CBR1: variants seen among roughly 807,000 people sequenced by gnomAD.
The protein encoded by CBR1 is carbonyl reductase 1, also known as carbonyl reductase [NADPH] 1.
A neutral mutation model predicts 10.6 loss-of-function variants in CBR1; 11 were observed. The observed-to-expected ratio is 1.03, with a 90% CI of 0.65 to 1.71. The LOEUF is 1.71. CBR1 is among the 40% of genes most tolerant of loss of function. The pLI, the probability that CBR1 is intolerant of heterozygous loss-of-function variation, is 0.00. For missense variants in CBR1, 361 were observed against 368.6 expected (o/e 0.98, Z 0.17); for synonymous variants, 158 against 156.7 (o/e 1.01, Z -0.06).
chr21:36,070,853 GTTTTTTTTTT>G, intron 1 of CBR1, 87 bp from the exon 2 acceptor site: 1 of 509,238 alleles, frequency 2.0e-6, no homozygotes, highest in Non-Finnish European at 3.2e-6. Flanking sequence ...AGGGCACTAA[GTTTTTTTTTT>G]TTTTTTTTTT....
In CBR1 at chr21:36,070,049, C is replaced by G; in HGVS notation, c.-67C>G. 1 of 1,431,816 alleles carries G rather than the reference C, an allele frequency of 7.0e-7. No homozygotes were observed. The highest frequency in any genetic ancestry group is 9.2e-7 in the Non-Finnish European group (1 of 1,089,728). 88.7% of individuals were successfully genotyped at this position (1,431,816 alleles called of 1,614,324 possible). On this transcript the variant is annotated 5_prime_UTR_variant, in exon 1 of 3. Coordinates refer to ENST00000290349, the MANE Select transcript of CBR1 (RefSeq NM_001757.4). ...AGACTCGAGCAGTCTCTGGAACACG[C>G]TGCGGGGCTCCCGGGCCTGAGCCAG...
Position 36,070,178 on chromosome 21 carries a change from C to T in CBR1, c.63C>T (p.Ile21=), listed in dbSNP as rs1346316541. The T allele has an allele frequency of 1.7e-5, 27 of 1,595,238 alleles. No individual in the cohort carries two copies. Among genetic ancestry groups the T allele is most frequent in the Non-Finnish European group, 2.3e-5 (27 of 1,171,674 alleles). ...GCAACAAGGGCATCGGCTTGGCCAT[C>T]GTGCGCGACCTGTGCCGGCTGTTCT... ...TGGNKGIGLA[I]VRDLCRLFSG... is the part of the protein sequence containing the mutation. The change falls in exon 1 of 3, where the codon ATC becomes ATT. Residue 21 remains isoleucine (I), a synonymous_variant. Transcript: ENST00000290349.
Position 36,070,215 on chromosome 21 carries a change from G to T in CBR1, c.100G>T (p.Val34Leu). The change falls in exon 1 of 3, where the codon GTG (valine) becomes TTG (leucine). Residue 34 changes from valine (V) to leucine (L), a missense_variant. Coordinates refer to ENST00000290349, the MANE Select transcript of CBR1 (RefSeq NM_001757.4). ...DLCRLFSGDV[V>L]LTARDVTRGQ... Reference sequence around the variant, plus strand: ...GTGCCGGCTGTTCTCGGGGGACGTGGTGCTCACGGCGCGGGACGTGACGCG... The same window carrying T: ...GTGCCGGCTGTTCTCGGGGGACGTGTTGCTCACGGCGCGGGACGTGACGCG... The T allele has an allele frequency of 6.2e-7, 1 of 1,609,032 alleles. No individual in the cohort carries two copies.
chr21:36,071,262 C>G, intron 2 of CBR1: 2 of 693,272 alleles, frequency 2.9e-6, no homozygotes, highest in South Asian at 1.5e-5. Context: ...TTCGTCCTCC[C>G]TGTCGCACTG....
At chr21:36,071,086 C>T in intron 2 of CBR1, 29 bp downstream of exon 2, 2 of 1,443,990 alleles carry the variant, frequency 1.4e-6, no homozygotes, top group South Asian at 2.3e-5. Flanking sequence ...AGCGCACCTT[C>T]TCTTTGGGGC....
chr21:36,071,121 G>T (rs761599903), intron 2 of CBR1, 64 bp downstream of exon 2: 9 of 1,070,920 alleles, frequency 8.4e-6, no homozygotes, highest in Non-Finnish European at 1.2e-5. Context: ...GCTTGCCTGG[G>T]ATTTCTCCTG....
rs577105555 is a variant in CBR1 at position 36,070,868 on chromosome 21, T to G, written c.290-82T>G. On this transcript the variant is annotated intron_variant, in intron 1 of 2. Coordinates refer to ENST00000290349, the MANE Select transcript of CBR1 (RefSeq NM_001757.4). Reference sequence around the variant, plus strand: ...AGGGCACTAAGTTTTTTTTTTTTTTTTTTTTTTTTTTTAGTATCATTGTAT... The same window carrying G: ...AGGGCACTAAGTTTTTTTTTTTTTTGTTTTTTTTTTTTAGTATCATTGTAT... 7.3e-5 allele frequency: 61 copies of G among 840,666 alleles called. 1 individual carries two copies. The highest frequency in any genetic ancestry group is 2.6e-4 in the East Asian group (9 of 35,086). The allele number at this position is 840,666 out of a possible 1,614,324, so 52.1% of individuals were successfully genotyped here.
intron 2 of CBR1, chr21:36,071,669 T>C (rs2065353054): frequency 2.2e-5 from 13 of 599,056 alleles, no homozygotes; most frequent in South Asian, 5.9e-5. Flanking sequence ...AATCATTTAC[T>C]AGGTCCTAGG....
intron 2 of CBR1, 89 bp from the exon 3 acceptor site, chr21:36,072,357 T>C (rs1323287374): frequency 6.2e-7 from 1 of 1,610,146 alleles, no homozygotes; most frequent in Admixed American, 1.7e-5. Flanking sequence ...ATGAAAATTT[T>C]CTGCTCCAAA....
At position 36,072,558 on chromosome 21, in the gene CBR1, G is replaced by T. The variant is rs980203201; in HGVS notation, c.510G>T (p.Gly170=). The stretch of plus-strand genomic sequence containing the variant: ...CCATCACTGAGGAGGAGCTGGTGGG[G>T]CTCATGAACAAGTTTGTGGAGGATA... ...SETITEEELV[G]LMNKFVEDTK... is the part of the protein sequence containing the mutation. Residue 170 remains glycine (G), a synonymous_variant, in exon 3 of 3, where the codon GGG becomes GGT. Transcript: ENST00000290349. 1.7e-5 allele frequency: 27 copies of T among 1,600,686 alleles called. No homozygotes were observed. Among genetic ancestry groups the T allele is most frequent in the African/African-American group, 2.7e-5 (2 of 74,142 alleles).
intron 2 of CBR1, chr21:36,071,426 G>T: frequency 5.1e-6 from 3 of 589,754 alleles, no homozygotes; most frequent in Non-Finnish European, 9.0e-6. Context: ...GCTGGTGGAG[G>T]CTTTACTACC....
At position 36,070,376 on chromosome 21, in the gene CBR1, G is replaced by T; in HGVS notation, c.261G>T (p.Leu87=). The T allele has an allele frequency of 6.2e-7, 1 of 1,609,826 alleles. No individual in the cohort carries two copies. The highest frequency in any genetic ancestry group is 1.1e-5 in the South Asian group (1 of 90,826). ...AGGAGTACGGGGGCCTGGACGTGCT[G>T]GTCAACAACGCGGGCATCGCCTTCA... is the stretch of plus-strand genomic sequence containing the variant. The part of the protein sequence containing the change: ...LRKEYGGLDV[L]VNNAGIAFKV... Residue 87 remains leucine, a synonymous_variant, in exon 1 of 3, where the codon CTG becomes CTT. Coordinates refer to ENST00000290349, the MANE Select transcript of CBR1 (RefSeq NM_001757.4).
chr21:36,070,710 C>T (rs936221511), intron 1 of CBR1, among the ~76,000 whole-genome samples: 1 of 152,120 alleles, frequency 6.6e-6, no homozygotes, highest in East Asian at 1.9e-4. Flanking sequence ...ATGGTTATGC[C>T]AAGATCCAGT....
chr21:36,071,382 C>G, intron 2 of CBR1: 1 of 601,246 alleles, frequency 1.7e-6, no homozygotes, highest in Non-Finnish European at 3.0e-6. Flanking sequence ...CATCCTGTAC[C>G]CTTTCTCTGC....
chr21:36,071,885 A>G (rs978039422), intron 2 of CBR1: 9 of 1,535,992 alleles, frequency 5.9e-6, no homozygotes, highest in African/African-American at 1.4e-5. Context: ...AGCCCTTAGC[A>G]TGGTTCACAG....
chr21:36,071,032 A>T lies in CBR1; in HGVS notation c.372A>T (p.Glu124Asp). The T allele has an allele frequency of 6.2e-7, 1 of 1,612,706 alleles. No individual in the cohort carries two copies. The highest frequency in any genetic ancestry group is 8.5e-7 in the Non-Finnish European group (1 of 1,178,740). The change falls in exon 2 of 3, where the codon GAA (glutamate) becomes GAT (aspartate). Residue 124 changes from glutamate (E) to aspartate (D), a missense_variant. Physicochemically the swap from Glu to Asp is conservative, Grantham distance 45 (BLOSUM62 2). Transcript: ENST00000290349. The stretch of plus-strand genomic sequence containing the variant: ...TTGGTACCCGAGATGTGTGCACAGA[A>T]TTACTCCCTCTAATAAAACCCCAAG... ...NFFGTRDVCT[E>D]LLPLIKPQGR...
At position 36,070,067 on chromosome 21, in the gene CBR1, T is replaced by C; in HGVS notation, c.-49T>C. The C allele has an allele frequency of 1.4e-6, 2 of 1,441,470 alleles. No individual in the cohort carries two copies. Among genetic ancestry groups the C allele is most frequent in the Non-Finnish European group, 1.8e-6 (2 of 1,094,366 alleles). The allele number at this position is 1,441,470 out of a possible 1,614,324, so 89.3% of individuals were successfully genotyped here. On this transcript the variant is annotated 5_prime_UTR_variant, in exon 1 of 3. Transcript: ENST00000290349. ...GAACACGCTGCGGGGCTCCCGGGCC[T>C]GAGCCAGGTCTGTTCTCCACGCAGG...
Position 36,073,124 on chromosome 21 carries a change from G to A in CBR1, c.*242G>A. 2.4e-6 allele frequency: 1 copy of A among 410,016 alleles called. No homozygotes were observed. The highest frequency in any genetic ancestry group is 4.3e-6 in the Non-Finnish European group (1 of 230,462). The allele number at this position is 410,016 out of a possible 1,614,324, so 25.4% of individuals were successfully genotyped here. On this transcript the variant is annotated 3_prime_UTR_variant, in exon 3 of 3. Coordinates refer to ENST00000290349, the MANE Select transcript of CBR1 (RefSeq NM_001757.4). The stretch of plus-strand genomic sequence containing the variant: ...AAAAATTGTAATTGATGAAAATAAT[G>A]AATGAAAATCAACAGATGAATAAAT...
chr21:36,072,834 G>A lies in CBR1; in HGVS notation c.786G>A (p.Glu262=), dbSNP rs143175086. The A allele has an allele frequency of 1.2e-6, 2 of 1,613,976 alleles. No homozygotes were observed. Among genetic ancestry groups the A allele is most frequent in the Non-Finnish European group, 8.5e-7 (1 of 1,179,978 alleles). ...TGGCCCTTTTGCCCCCAGATGCTGAGGGTCCCCATGGACAATTTGTTTCAG... is the reference window on the plus strand; with the variant it reads ...TGGCCCTTTTGCCCCCAGATGCTGAAGGTCCCCATGGACAATTTGTTTCAG... ...VYLALLPPDA[E]GPHGQFVSEK... The change falls in exon 3 of 3, where the codon GAG becomes GAA. Residue 262 remains glutamate, a synonymous_variant. Transcript: ENST00000290349.
Sources: allele counts gnomAD v4.1 joint callset (sites outside exome capture counted in the v4.1 genomes callset), GRCh38; gene constraint gnomAD v4.1.1; transcripts MANE v1.5; gene names NCBI Gene and HGNC (gene_info 2026-07-23, HGNC 2026-07-21).